The following BRWD3 variants were observed in gnomAD, a reference collection of about 807,000 sequenced individuals.
The protein encoded by BRWD3 is bromodomain and WD repeat-containing protein 3.
A neutral mutation model predicts 149.7 loss-of-function variants in BRWD3; 10 were observed. That is an observed-to-expected ratio of 0.07 (90% CI 0.04 to 0.11). BRWD3 has a LOEUF of 0.11. Among genes scored for constraint, BRWD3 ranks in the 10% least tolerant of loss-of-function variants. The pLI, the probability that BRWD3 is intolerant of heterozygous loss-of-function variation, is 1.00. For synonymous variants in BRWD3, 504 were observed against 456.7 expected (o/e 1.10, Z -1.32); for missense variants, 940 against 1,373.2 (o/e 0.68, Z 4.99).
At chrX:80,710,382 C>T in intron 20 of BRWD3, 1 of 337,514 alleles carries the variant, frequency 3.0e-6, no homozygotes. Context: ...ATTTTGACTA[C>T]AGAGCTACGT....
chrX:80,777,824 A>AT (rs1409330231), intron 6 of BRWD3, among the ~76,000 whole-genome samples: 2 of 111,064 alleles, frequency 1.8e-5, no homozygotes, highest in Non-Finnish European at 3.8e-5. Flanking sequence ...TTAGTTTTTA[A>AT]TTTTTTGGTT....
At chrX:80,764,337 G>A (rs1342388959) in intron 6 of BRWD3, among the ~76,000 whole-genome samples, 6 of 111,442 alleles carry the variant, frequency 5.4e-5, no homozygotes, top group Non-Finnish European at 1.1e-4. Flanking sequence ...ACGGAGTCTC[G>A]CTCTGTTGCC....
chrX:80,748,112 G>T (rs2073618212), intron 6 of BRWD3, among the ~76,000 whole-genome samples: 1 of 111,602 alleles, frequency 9.0e-6, no homozygotes, highest in Non-Finnish European at 1.9e-5. Flanking sequence ...CAAAGTGCTG[G>T]TGTTACAGGC....
chrX:80,732,592 G>C (rs1354592275), intron 12 of BRWD3, among the ~76,000 whole-genome samples: 5 of 111,269 alleles, frequency 4.5e-5, no homozygotes, highest in Non-Finnish European at 9.4e-5. Context: ...AGGAGAGAGA[G>C]AGAAAGAGGT....
At chrX:80,686,819 G>T in intron 35 of BRWD3, 44 bp downstream of exon 35, 2 of 1,181,747 alleles carry the variant, frequency 1.7e-6, no homozygotes, top group Non-Finnish European at 2.3e-6. Flanking sequence ...GACATTTATG[G>T]GAAATTATCA....
Position 80,733,125 on chromosome X carries a change from G to A in BRWD3, c.1127+331C>T, listed in dbSNP as rs1173058468. On this transcript the variant is annotated intron_variant, in intron 12 of 40. Transcript: ENST00000373275. ...AGCCTCGGCAACAGAGCAAGACACC[G>A]TCTCAAAAAAAAAAAAAAAAGAACA... 7.8e-5 allele frequency: 10 copies of A among 128,761 alleles called. No individual in the cohort carries two copies. In the South Asian group the frequency reaches 1.3e-3, roughly 16 times the overall value. The allele number at this position is 128,761 out of a possible 1,213,427, so 10.6% of individuals were successfully genotyped here.
chrX:80,758,550 T>C (rs1409432849), intron 6 of BRWD3, among the ~76,000 whole-genome samples: 1 of 111,585 alleles, frequency 9.0e-6, no homozygotes, highest in Non-Finnish European at 1.9e-5. Context: ...CCAATTCATA[T>C]GTACAGCTGC....
chrX:80,776,730 TC>T, intron 6 of BRWD3, among the ~76,000 whole-genome samples: 1 of 111,156 alleles, frequency 9.0e-6, no homozygotes, highest in Admixed American at 9.6e-5. Flanking sequence ...ACCAACAATG[TC>T]CCCGGACCCG....
chrX:80,736,112 C>A, intron 8 of BRWD3, 24 bp from the exon 9 acceptor site: 1 of 1,006,494 alleles, frequency 9.9e-7, no homozygotes, highest in Non-Finnish European at 1.4e-6. Context: ...AAATCTGATT[C>A]AAATAAAAAG....
At chrX:80,788,208 G>A (rs2147850177) in intron 6 of BRWD3, among the ~76,000 whole-genome samples, 1 of 110,624 alleles carries the variant, frequency 9.0e-6, no homozygotes, top group South Asian at 3.8e-4. Flanking sequence ...CGAGGCAGGT[G>A]ATTGCTTCAG....
intron 10 of BRWD3, among the ~76,000 whole-genome samples, chrX:80,734,566 TAA>T (rs2073376671): frequency 9.0e-6 from 1 of 111,547 alleles, no homozygotes; most frequent in East Asian, 2.8e-4. Context: ...TGGTTGAGTG[TAA>T]AAAGTCAACT....
At chrX:80,703,118 G>A (rs754636120) in intron 24 of BRWD3, among the ~76,000 whole-genome samples, 4 of 110,872 alleles carry the variant, frequency 3.6e-5, no homozygotes, top group African/African-American at 9.8e-5. Context: ...CAGGTTGAAC[G>A]TGTTTTGTTT....
rs1231576417 is a variant in BRWD3, at chrX:80,709,495, A to G, written c.2408T>C (p.Ile803Thr). The change falls in exon 21 of 41, where the codon ATA becomes ACA. Residue 803 changes from isoleucine (I) to threonine (T), a missense_variant. Around this residue, in one of 6 missense-constraint regions of BRWD3, gnomAD observed 103 missense variants for 103.2 expected, o/e 1.00. Transcript: ENST00000373275. ...ACATGATGCCTGTGAATTATGCTCTATGTTGGACCGTGTTTGGTAAGTATG... is the reference window on the plus strand; with the variant it reads ...ACATGATGCCTGTGAATTATGCTCTGTGTTGGACCGTGTTTGGTAAGTATG... ...RQHTYQTRSNIEHNSQASCQN... is the reference protein window; with the variant it reads ...RQHTYQTRSNTEHNSQASCQN... The G allele has an allele frequency of 2.5e-6, 3 of 1,208,217 alleles. No individual in the cohort carries two copies. The highest frequency in any genetic ancestry group is 1.8e-5 in the African/African-American group (1 of 56,989).
chrX:80,677,345 G>T lies in BRWD3; in HGVS notation c.4673C>A (p.Pro1558His). The stretch of plus-strand genomic sequence containing the variant: ...CTCTCTGCCATCACCATTTGTAAGG[G>T]GTCCATCAAGGGAGTGATCTAAATT... ...PVKQDHSLDG[P>H]LTNGDGREPR... The change falls in exon 41 of 41, where the codon CCC (proline) becomes CAC (histidine). Residue 1558 changes from proline to histidine, a missense_variant. Pro to His is a moderately conservative substitution (Grantham distance 77). Around this residue, in one of 6 missense-constraint regions of BRWD3, gnomAD observed 349 missense variants for 419.6 expected, o/e 0.83. Transcript: ENST00000373275. 1 of 1,199,859 alleles carries T rather than the reference G, an allele frequency of 8.3e-7. No homozygotes were observed.
In BRWD3 at chrX:80,677,210, G is replaced by T. The variant is rs757222567; in HGVS notation, c.4808C>A (p.Thr1603Asn). Residue 1603 changes from threonine (T) to asparagine (N), a missense_variant, in exon 41 of 41, where the codon ACC becomes AAC. Around this residue, in one of 6 missense-constraint regions of BRWD3, gnomAD observed 349 missense variants for 419.6 expected, o/e 0.83. Coordinates refer to ENST00000373275, the MANE Select transcript of BRWD3 (RefSeq NM_153252.5). Reference sequence around the variant, plus strand: ...GGATCCTAACTCTCCACTCTCTGAGGTGGATAAATGAGATTTCTCTTTTGT... The same window carrying T: ...GGATCCTAACTCTCCACTCTCTGAGTTGGATAAATGAGATTTCTCTTTTGT... ...KETKEKSHLS[T>N]SESGELGSSL... The T allele has an allele frequency of 8.3e-7, 1 of 1,210,495 alleles. No homozygotes were observed. Among genetic ancestry groups the T allele is most frequent in the South Asian group, 1.8e-5 (1 of 56,955 alleles).
intron 6 of BRWD3, among the ~76,000 whole-genome samples, chrX:80,766,928 G>A (rs183307141): frequency 5.4e-4 from 61 of 112,167 alleles, no homozygotes; most frequent in African/African-American, 1.8e-3. Flanking sequence ...CTTTCCCAAC[G>A]GTCTTAGCAA....
Position 80,723,740 on chromosome X carries a change from A to G in BRWD3, c.1650+8T>C, listed in dbSNP as rs749891170. The G allele has an allele frequency of 3.3e-6, 4 of 1,210,223 alleles. No individual in the cohort carries two copies. The highest frequency in any genetic ancestry group is 4.5e-6 in the Non-Finnish European group (4 of 894,110). ...TTATACTCTACAGCAAAATTTAAAT[A>G]TGCTAACCTTTTCGTAGTATTTACT... On this transcript the variant is annotated splice_region_variant and intron_variant, in intron 16 of 40. Coordinates refer to ENST00000373275, the MANE Select transcript of BRWD3 (RefSeq NM_153252.5).
chrX:80,750,855 T>TACAC (rs1491097021), intron 6 of BRWD3, among the ~76,000 whole-genome samples: 1 of 39,820 alleles, frequency 2.5e-5, no homozygotes, highest in Non-Finnish European at 4.3e-5. Context: ...CAATGTGTTT[T>TACAC]ATACACACAC....
In BRWD3 at chrX:80,734,221, AG is replaced by A. The variant is rs755296499; in HGVS notation, c.986-4del. 1.8e-6 allele frequency: 2 copies of A among 1,135,357 alleles called. No individual in the cohort carries two copies. Among genetic ancestry groups the A allele is most frequent in the East Asian group, 6.0e-5 (2 of 33,454 alleles). 93.6% of individuals were successfully genotyped at this position (1,135,357 alleles called of 1,213,427 possible). ...ACCAGTTGTAATGAACATACCACCT[AG>A]AAGATTAAAAAACAAAACAAAACAT... On this transcript the variant is annotated splice_polypyrimidine_tract_variant and splice_region_variant and intron_variant, in intron 10 of 40. Transcript: ENST00000373275.
Sources: allele counts gnomAD v4.1 joint callset (sites outside exome capture counted in the v4.1 genomes callset), GRCh38; gene constraint gnomAD v4.1.1; regional missense constraint gnomAD v4.1.1; transcripts MANE v1.5; gene names NCBI Gene and HGNC (gene_info 2026-07-23, HGNC 2026-07-21).